Variants in PLD1 observed in about 807,000 individuals in gnomAD.
The protein encoded by PLD1 is choline phosphatase 1.
In PLD1, 112 loss-of-function variants were observed where a neutral mutation model predicts 137.1. The ratio of observed to expected loss-of-function variants is 0.82; its 90% CI spans 0.70 to 0.96. The LOEUF (loss-of-function observed/expected upper bound fraction) is 0.96, where lower values mean the gene tolerates loss of function less well. PLD1 is among the 40% of genes least tolerant of loss of function. PLD1 has a pLI of 0.00. For missense variants in PLD1, 1,321 were observed against 1,342.0 expected (o/e 0.98, Z 0.24); for synonymous variants, 431 against 454.7 (o/e 0.95, Z 0.66).
At chr3:171,792,441 AG>A in intron 1 of PLD1, 1 of 374,100 alleles carries the variant, frequency 2.7e-6, no homozygotes, top group Non-Finnish European at 5.3e-6. Flanking sequence ...CAGATGGATC[AG>A]GGGCCCCTGG....
intron 23 of PLD1, among the ~76,000 whole-genome samples, chr3:171,635,997 T>TTTTTA (rs1735095767): frequency 8.6e-6 from 1 of 115,718 alleles, no homozygotes; most frequent in Non-Finnish European, 1.8e-5. Flanking sequence ...TTTTTTTTTT[T>TTTTTA]GCAAGTGGAT....
chr3:171,763,325 G>A (rs1184055392), intron 1 of PLD1, among the ~76,000 whole-genome samples: 3 of 151,464 alleles, frequency 2.0e-5, no homozygotes, highest in Non-Finnish European at 4.4e-5. Flanking sequence ...GAGAGGCTGA[G>A]GTAGGAGGAT....
At chr3:171,795,695 T>A (rs999200696) in intron 1 of PLD1, among the ~76,000 whole-genome samples, 3 of 152,210 alleles carry the variant, frequency 2.0e-5, no homozygotes, top group Non-Finnish European at 2.9e-5. Flanking sequence ...ACACACATAC[T>A]CTTACCCATT....
intron 1 of PLD1, among the ~76,000 whole-genome samples, chr3:171,758,194 T>C (rs1721157812): frequency 6.6e-6 from 1 of 152,140 alleles, no homozygotes; most frequent in South Asian, 2.1e-4. Flanking sequence ...AATAACCCTA[T>C]AGTGTAAATT....
intron 5 of PLD1, among the ~76,000 whole-genome samples, chr3:171,734,366 G>A (rs780195998): frequency 1.3e-5 from 2 of 152,204 alleles, no homozygotes; most frequent in Non-Finnish European, 2.9e-5. Flanking sequence ...CTTGGAAGCA[G>A]AGCAGGCAGA....
At chr3:171,652,022 A>C (rs1312889151) in intron 21 of PLD1, among the ~76,000 whole-genome samples, 1 of 152,308 alleles carries the variant, frequency 6.6e-6, no homozygotes, top group South Asian at 2.1e-4. Flanking sequence ...ATCTGTTGTC[A>C]TCTGTGTCCC....
chr3:171,802,445 A>T (rs1723684989), intron 1 of PLD1, among the ~76,000 whole-genome samples: 1 of 152,176 alleles, frequency 6.6e-6, no homozygotes, highest in South Asian at 2.1e-4. Context: ...CCATTTTGTC[A>T]TTGATCCAAA....
rs1578099417 is a variant in PLD1, at chr3:171,612,146, C to T, written c.2882+133G>A. On this transcript the variant is annotated intron_variant, in intron 25 of 26. Coordinates refer to ENST00000351298, the MANE Select transcript of PLD1 (RefSeq NM_002662.5). This position sits in a 1 kb window ranked among gnomAD's most constrained non-coding sequence, Gnocchi z 4.1. The stretch of plus-strand genomic sequence containing the variant: ...TTCGCATACTACTGGTGGTACATAT[C>T]CTATATTCTGGGACACACTGTTTTA... 1.4e-6 allele frequency: 1 copy of T among 709,176 alleles called. No homozygotes were observed. Among genetic ancestry groups the T allele is most frequent in the East Asian group, 2.6e-5 (1 of 39,072 alleles). The allele number at this position is 709,176 out of a possible 1,614,324, so 43.9% of individuals were successfully genotyped here. A position where few individuals can be genotyped will look rare whatever the true frequency, so the allele number is the denominator to read the frequency against.
chr3:171,623,527 T>C (rs1237351117), intron 23 of PLD1, among the ~76,000 whole-genome samples: 1 of 151,656 alleles, frequency 6.6e-6, no homozygotes, highest in Admixed American at 6.6e-5. Flanking sequence ...TTTCACCATG[T>C]TAGCCAGGAT....
At chr3:171,749,474 A>C (rs983336528) in intron 1 of PLD1, among the ~76,000 whole-genome samples, 24 of 152,278 alleles carry the variant, frequency 1.6e-4, no homozygotes, top group African/African-American at 5.8e-4. Context: ...AAAATGAAAA[A>C]CTGTACATAA....
At chr3:171,680,235 T>C (rs1315427971) in intron 16 of PLD1, among the ~76,000 whole-genome samples, 1 of 149,178 alleles carries the variant, frequency 6.7e-6, no homozygotes, top group Non-Finnish European at 1.5e-5. Context: ...GTTTTCTTTT[T>C]CTTCCTCTTT....
chr3:171,699,974 A>G (rs1716096056), intron 11 of PLD1, 148 bp from the exon 12 acceptor site: 2 of 662,760 alleles, frequency 3.0e-6, no homozygotes, highest in African/African-American at 1.8e-5. Flanking sequence ...CTATGAGTCT[A>G]GGAACAACTT....
chr3:171,680,238 T>TCC, intron 16 of PLD1, among the ~76,000 whole-genome samples: 1 of 141,464 alleles, frequency 7.1e-6, no homozygotes, highest in African/African-American at 2.7e-5. Context: ...TTCTTTTTCT[T>TCC]CCTCTTTTTT....
intron 19 of PLD1, 82 bp downstream of exon 19, chr3:171,674,418 C>G: frequency 1.7e-6 from 1 of 593,020 alleles, no homozygotes; most frequent in Non-Finnish European, 3.0e-6. Context: ...AAATCTGAAG[C>G]CAATGTAATA....
rs990664328 is a variant in PLD1, at chr3:171,601,013, T to A, written c.*2065A>T. 1.3e-5 allele frequency: 2 copies of A among 152,136 alleles called. No homozygotes were observed. The highest frequency in any genetic ancestry group is 6.5e-5 in the Admixed American group (1 of 15,274). 9.4% of individuals were successfully genotyped at this position (152,136 alleles called of 1,614,324 possible). ...CAGACAAACACATAAATACAAAATA[T>A]CAGAGGGTTCAAAACAGCTTAGAGG... On this transcript the variant is annotated 3_prime_UTR_variant, in exon 27 of 27. Coordinates refer to ENST00000351298, the MANE Select transcript of PLD1 (RefSeq NM_002662.5).
chr3:171,606,405 G>T (rs1732206359), intron 25 of PLD1, among the ~76,000 whole-genome samples: 1 of 152,148 alleles, frequency 6.6e-6, no homozygotes, highest in Non-Finnish European at 1.5e-5. Context: ...GAGAAGGCTT[G>T]TTTAGAGATA....
chr3:171,603,167 G>A lies in PLD1; in HGVS notation c.3136C>T (p.Gln1046Ter). Residue 1046 changes from glutamine (Q) to a stop codon, truncating the protein, a stop_gained, in exon 27 of 27, where the codon CAA becomes TAA. Transcript: ENST00000351298. LOFTEE classifies it high-confidence loss of function. ...ELKKIRGFLV[Q>*]FPFYFLSEES... ...TCAGACAAGAAATAAAAGGGGAATT[G>A]CACCAAAAATCCACGGATCTTCTTC... 6.2e-7 allele frequency: 1 copy of A among 1,614,098 alleles called. No individual in the cohort carries two copies. Among genetic ancestry groups the A allele is most frequent in the Non-Finnish European group, 8.5e-7 (1 of 1,179,976 alleles).
intron 1 of PLD1, among the ~76,000 whole-genome samples, chr3:171,799,951 C>G (rs559295250): frequency 1.1e-3 from 170 of 152,088 alleles, no homozygotes; most frequent in African/African-American, 3.9e-3. Flanking sequence ...CAAGGGAGCC[C>G]AAGGAGACAC....
chr3:171,712,545 G>T (rs1330053117), intron 9 of PLD1, among the ~76,000 whole-genome samples: 2 of 152,140 alleles, frequency 1.3e-5, no homozygotes, highest in African/African-American at 2.4e-5. Flanking sequence ...TGCCTTCATA[G>T]AACCTGCAAG....
Sources: allele counts gnomAD v4.1 joint callset (sites outside exome capture counted in the v4.1 genomes callset), GRCh38; gene constraint gnomAD v4.1.1; non-coding constraint Gnocchi (gnomAD v3.1); transcripts MANE v1.5; gene names NCBI Gene and HGNC (gene_info 2026-07-23, HGNC 2026-07-21).